Variants in RP1L1 observed in about 807,000 individuals in gnomAD.
RP1L1 encodes the protein retinitis pigmentosa 1-like 1 protein.
In RP1L1, 27 loss-of-function variants were observed where a neutral mutation model predicts 15.7. The ratio of observed to expected loss-of-function variants is 1.72; its 90% CI spans 1.27 to 2.38. The LOEUF (loss-of-function observed/expected upper bound fraction) is 2.38, where lower values mean the gene tolerates loss of function less well. Among genes scored for constraint, RP1L1 ranks in the 30% most tolerant of loss-of-function variants. RP1L1 has a pLI of 0.00. For synonymous variants in RP1L1, 1,813 were observed against 1,276.7 expected, an observed-to-expected ratio of 1.42 and a Z score of -8.96; for missense variants, 4,798 against 3,075.9, an observed-to-expected ratio of 1.56 and a Z score of -13.24.
At position 10,616,469 on chromosome 8, in the gene RP1L1, C is replaced by G. The variant is rs1797966829; in HGVS notation, c.728G>C (p.Gly243Ala). 4 of 1,614,192 alleles carry G rather than the reference C, an allele frequency of 2.5e-6. No homozygotes were observed. In the East Asian group the frequency reaches 8.9e-5, roughly 36 times the overall value. ...ACCGTTTTTGTTTCTTGAAGTCAGC[C>G]CAGATAAAGTTTCAGCCTCGCTTCT... ...ARRSEAETLS[G>A]LTSRNKNGSW... The change falls in exon 3 of 4, where the codon GGG (glycine) becomes GCG (alanine). Residue 243 changes from glycine (G) to alanine (A), a missense_variant. Gly to Ala is a moderately conservative substitution (Grantham distance 60). Coordinates refer to ENST00000382483, the MANE Select transcript of RP1L1 (RefSeq NM_178857.6).
In RP1L1 at chr8:10,610,550, T is replaced by C. The variant is rs779815038; in HGVS notation, c.3548A>G (p.Asp1183Gly). The C allele has an allele frequency of 6.8e-6, 11 of 1,613,448 alleles. No individual in the cohort carries two copies. In the African/African-American group the frequency reaches 1.5e-4, roughly 22 times the overall value. The change falls in exon 4 of 4, where the codon GAC becomes GGC. Residue 1183 changes from aspartate (D) to glycine (G), a missense_variant. Coordinates refer to ENST00000382483, the MANE Select transcript of RP1L1 (RefSeq NM_178857.6). Reference protein sequence around the residue: ...WELTWSQALPDLGSHAMTENF... With the variant: ...WELTWSQALPGLGSHAMTENF... ...CTCCGTCATGGCATGGGACCCAAGG[T>C]CTGGCAGAGCCTGGCTCCATGTGAG...
intron 1 of RP1L1, among the ~76,000 whole-genome samples, chr8:10,630,845 G>A (rs1798229488): frequency 6.6e-6 from 1 of 152,220 alleles, no homozygotes; most frequent in African/African-American, 2.4e-5. Context: ...GCCAACACGT[G>A]GTGTTAAGTC....
chr8:10,607,269 GC>G lies in RP1L1; in HGVS notation c.6828del (p.Arg2276SerfsTer123). The G allele has an allele frequency of 6.2e-7, 1 of 1,614,216 alleles. No homozygotes were observed. Among genetic ancestry groups the G allele is most frequent in the Non-Finnish European group, 8.5e-7 (1 of 1,180,034 alleles). On this transcript the variant is annotated frameshift_variant, in exon 4 of 4. Transcript: ENST00000382483. LOFTEE classifies it low-confidence loss of function (END_TRUNC). ...CCACCTGGGGAAGGGGGTGGAGTGG[GC>G]CTGTCCTCAGGGACTGGGCTGCTGC... ...SESSSPVPED[R>X]PTPPPSPGGD...
chr8:10,621,770 A>T lies in RP1L1; in HGVS notation c.609+823T>A, dbSNP rs372480869. ...TTTGGTGGAATTTCATGTCCGGCAG[A>T]ACCTGGAAAGGCAAAAATTACATTC... On this transcript the variant is annotated intron_variant, in intron 2 of 3. Transcript: ENST00000382483. 129 of 506,846 alleles carry T rather than the reference A, an allele frequency of 2.5e-4. 2 individuals carry two copies. Among genetic ancestry groups the T allele is most frequent in the Middle Eastern group, 2.2e-3 (7 of 3,128 alleles). 31.4% of individuals were successfully genotyped at this position (506,846 alleles called of 1,614,324 possible). A position where few individuals can be genotyped will look rare whatever the true frequency, so the allele number is the denominator to read the frequency against.
At chr8:10,616,687 G>C in intron 2 of RP1L1, 100 bp from the exon 3 acceptor site, 1 of 1,350,332 alleles carries the variant, frequency 7.4e-7, no homozygotes, top group Non-Finnish European at 9.9e-7. Context: ...GCCCTGTCCT[G>C]ATTTCTGCAC....
rs767715256 is a variant in RP1L1 at position 10,613,318 on chromosome 8, A to T, written c.780T>A (p.Ser260Arg). The change falls in exon 4 of 4, where the codon AGT (serine) becomes AGA (arginine). Residue 260 changes from serine to arginine, a missense_variant. Coordinates refer to ENST00000382483, the MANE Select transcript of RP1L1 (RefSeq NM_178857.6). The part of the protein sequence containing the change: ...NGSWGPKTKP[S>R]VIHSRSPPGS... The stretch of plus-strand genomic sequence containing the variant: ...CTGGCGGAGACCGCGAATGGATCAC[A>T]CTCGGCTTGGTCTTTGGCCCCCAGC... The T allele has an allele frequency of 6.2e-7, 1 of 1,601,112 alleles. No homozygotes were observed. Among genetic ancestry groups the T allele is most frequent in the Non-Finnish European group, 8.5e-7 (1 of 1,179,952 alleles).
chr8:10,610,105 C>T lies in RP1L1; in HGVS notation c.3993G>A (p.Leu1331=), dbSNP rs1220437680. 13 of 1,475,860 alleles carry T rather than the reference C, an allele frequency of 8.8e-6. 1 individual carries two copies. In the Admixed American group the frequency reaches 1.0e-4, roughly 11 times the overall value. The allele number at this position is 1,475,860 out of a possible 1,614,324, so 91.4% of individuals were successfully genotyped here. The part of the protein sequence containing the change: ...QLEETKTEEG[L]QEEGVQLEET... ...CCTCTAACTGCACCCCCTCTTCTTG[C>T]AGCCCTTCTTCTGTTTTAGTTTCCT... The change falls in exon 4 of 4, where the codon CTG becomes CTA. Residue 1331 remains leucine, a synonymous_variant. Coordinates refer to ENST00000382483, the MANE Select transcript of RP1L1 (RefSeq NM_178857.6).
chr8:10,654,287 G>C (rs764616119), intron 1 of RP1L1, among the ~76,000 whole-genome samples: 2 of 152,158 alleles, frequency 1.3e-5, no homozygotes, highest in Non-Finnish European at 2.9e-5. Context: ...CCGGGCCTCA[G>C]TCTCTTCTGC....
chr8:10,611,724 G>A lies in RP1L1; in HGVS notation c.2374C>T (p.Leu792=), dbSNP rs199911505. 6.2e-7 allele frequency: 1 copy of A among 1,613,594 alleles called. No homozygotes were observed. Among genetic ancestry groups the A allele is most frequent in the Non-Finnish European group, 8.5e-7 (1 of 1,179,954 alleles). The part of the protein sequence containing the change: ...DSCSKSGAAS[L]GEEARDTPQP... ...GGCGTGTCCCTGGCCTCTTCCCCCA[G>A]GCTGGCAGCCCCAGATTTTGAGCAG... The change falls in exon 4 of 4, where the codon CTG becomes TTG. Residue 792 remains leucine (L), a synonymous_variant. Coordinates refer to ENST00000382483, the MANE Select transcript of RP1L1 (RefSeq NM_178857.6).
In RP1L1 at chr8:10,612,808, C is replaced by A. The variant is rs142459130; in HGVS notation, c.1290G>T (p.Gln430His). 379 of 1,611,648 alleles carry A rather than the reference C, an allele frequency of 2.4e-4. 4 individuals carry two copies. In the Middle Eastern group the frequency reaches 0.012, roughly 51 times the overall value. The change falls in exon 4 of 4, where the codon CAG becomes CAT. Residue 430 changes from glutamine to histidine, a missense_variant. Transcript: ENST00000382483. The part of the protein sequence containing the change: ...VAARKRWGLA[Q>H]HVRCSGLWGH... Reference sequence around the variant, plus strand: ...CCCACAGGCCACTGCAGCGGACGTGCTGGGCCAGTCCCCACCTCTTCCGAG... The same window carrying A: ...CCCACAGGCCACTGCAGCGGACGTGATGGGCCAGTCCCCACCTCTTCCGAG...
intron 1 of RP1L1, among the ~76,000 whole-genome samples, chr8:10,627,017 G>A (rs1188643877): frequency 6.6e-6 from 1 of 152,220 alleles, no homozygotes; most frequent in Non-Finnish European, 1.5e-5. Flanking sequence ...ATGGGGAGAA[G>A]TTGGAACATT....
Position 10,612,364 on chromosome 8 carries a change from G to A in RP1L1, c.1734C>T (p.Ala578=), listed in dbSNP as rs755017588. Residue 578 remains alanine (A), a synonymous_variant, in exon 4 of 4, where the codon GCC becomes GCT. Coordinates refer to ENST00000382483, the MANE Select transcript of RP1L1 (RefSeq NM_178857.6). ...CACTCCTTAAAGATGAAAGACTCAG[G>A]GCTGGAGAAGCGGGGTCGCCTCCCT... ...ASEGGDPASP[A]LSLSSLRSDD... 1 of 1,613,046 alleles carries A rather than the reference G, an allele frequency of 6.2e-7. No individual in the cohort carries two copies. Among genetic ancestry groups the A allele is most frequent in the Non-Finnish European group, 8.5e-7 (1 of 1,180,032 alleles).
intron 1 of RP1L1, 54 bp downstream of exon 1, chr8:10,654,844 C>CT (rs1357713074): frequency 6.5e-6 from 1 of 152,800 alleles, no homozygotes; most frequent in Admixed American, 6.6e-5. Flanking sequence ...CCAAGACTCT[C>CT]TGCCCCTCAG....
At chr8:10,626,009 G>C (rs550543593) in intron 1 of RP1L1, among the ~76,000 whole-genome samples, 2 of 152,082 alleles carry the variant, frequency 1.3e-5, no homozygotes. Flanking sequence ...TGTGGGAGGG[G>C]GTAGACGGAG....
chr8:10,648,377 C>T (rs1183633554), intron 1 of RP1L1, among the ~76,000 whole-genome samples: 1 of 151,792 alleles, frequency 6.6e-6, no homozygotes, highest in Admixed American at 6.6e-5. Context: ...TTTAATAGTA[C>T]CTATTCTAAT....
intron 2 of RP1L1, among the ~76,000 whole-genome samples, chr8:10,619,019 C>G (rs897497893): frequency 6.6e-6 from 1 of 152,124 alleles, no homozygotes; most frequent in Non-Finnish European, 1.5e-5. Context: ...TACAGGCACG[C>G]ACCACCATGC....
Position 10,608,242 on chromosome 8 carries a change from C to G in RP1L1, c.5856G>C (p.Gly1952=). ...TAACTTCTGACTCTGGCTGGGTCTG[C>G]CCTTCTGCCTCCTGGGCCGCCTCTT... ...EAEEAAQEAE[G]QTQPESEVIE... is the part of the protein sequence containing the mutation. The change falls in exon 4 of 4, where the codon GGG becomes GGC. Residue 1952 remains glycine, a synonymous_variant. Transcript: ENST00000382483. 1 of 1,580,498 alleles carries G rather than the reference C, an allele frequency of 6.3e-7. No homozygotes were observed.
chr8:10,610,736 C>A lies in RP1L1; in HGVS notation c.3362G>T (p.Cys1121Phe). ...CTCAAATAACTGCAGACTGGCCAGA[C>A]AAGTAATGAGGGCCCCGGCTGAGCA... ...LSCSAGALIT[C>F]LASLQLFEED... The change falls in exon 4 of 4, where the codon TGT (cysteine) becomes TTT (phenylalanine). Residue 1121 changes from cysteine (C) to phenylalanine (F), a missense_variant. By Grantham distance (205) the Cys-to-Phe change is radical (BLOSUM62 -2). Transcript: ENST00000382483. 1.9e-6 allele frequency: 3 copies of A among 1,613,530 alleles called. No individual in the cohort carries two copies. Among genetic ancestry groups the A allele is most frequent in the Admixed American group, 3.3e-5 (2 of 60,028 alleles).
chr8:10,622,606 G>T lies in RP1L1; in HGVS notation c.596C>A (p.Thr199Asn). ...CCAACAGCCTACCTTTTTCCCGCTG[G>T]TCGTGTACAACTGCTTCACAGGAAA... ...LRFPVKQLYT[T>N]SGKKVDSLQA... The change falls in exon 2 of 4, where the codon ACC (threonine) becomes AAC (asparagine). Residue 199 changes from threonine (T) to asparagine (N), a missense_variant. Transcript: ENST00000382483. 6.2e-7 allele frequency: 1 copy of T among 1,614,186 alleles called. No homozygotes were observed. The highest frequency in any genetic ancestry group is 8.5e-7 in the Non-Finnish European group (1 of 1,180,038).
Sources: gnomAD v4.1 joint callset for allele counts (sites outside exome capture counted in the v4.1 genomes callset) on GRCh38, gnomAD v4.1.1 for gene constraint, MANE v1.5 for transcripts, NCBI Gene and HGNC (gene_info 2026-07-23, HGNC 2026-07-21) for gene names.